CYP3A7: variants seen among roughly 807,000 people sequenced by gnomAD.
CYP3A7 encodes cytochrome P450 family 3 subfamily A member 7.
CYP3A7 carries 45 observed loss-of-function variants against 55.2 expected under a neutral mutation model. The observed-to-expected ratio is 0.82, with a 90% CI of 0.64 to 1.05. CYP3A7 has a LOEUF of 1.05. CYP3A7 is among the 50% of genes least tolerant of loss of function. The probability of loss-of-function intolerance (pLI) is 0.00; values close to 1 mark genes in which losing one functional copy is unlikely to be tolerated. For missense variants in CYP3A7, 548 were observed against 605.3 expected, an observed-to-expected ratio of 0.91 and a Z score of 0.99; for synonymous variants, 180 against 207.4, an observed-to-expected ratio of 0.87 and a Z score of 1.13.
rs117463723 is a variant in CYP3A7 at position 99,706,178 on chromosome 7, C to T, written c.1417-583G>A. 5.3e-4 allele frequency among the ~76,000 whole-genome samples: 80 copies of T among 152,326 alleles called. 1 individual carries two copies. The East Asian group carries it at 0.015, about 28-fold the overall frequency. On this transcript the variant is annotated intron_variant, in intron 12 of 12. Coordinates refer to ENST00000336374, the MANE Select transcript of CYP3A7 (RefSeq NM_000765.5). ...CAAGGGTAGTGCAAGTGGGGAACCT[C>T]TCAATTCCTACAGTGTTTTGACTCA...
chr7:99,733,321 T>C (rs1398078484), intron 1 of CYP3A7, among the ~76,000 whole-genome samples: 1 of 152,186 alleles, frequency 6.6e-6, no homozygotes, highest in Non-Finnish European at 1.5e-5. Context: ...GGTGAGTGTC[T>C]AGATTCACAT....
At chr7:99,710,032 G>A (rs1398274552) in intron 10 of CYP3A7, among the ~76,000 whole-genome samples, 1 of 152,102 alleles carries the variant, frequency 6.6e-6, no homozygotes, top group Non-Finnish European at 1.5e-5. Context: ...TGCTGAAACA[G>A]TCTCCTAGTT....
At chr7:99,716,073 T>C (rs1813935439) in intron 6 of CYP3A7, among the ~76,000 whole-genome samples, 167 bp from the exon 7 acceptor site, 1 of 152,194 alleles carries the variant, frequency 6.6e-6, no homozygotes, top group South Asian at 2.1e-4. Flanking sequence ...AAGGTGATTA[T>C]CAGGTGTCAG....
At chr7:99,716,057 C>T (rs1813934199) in intron 6 of CYP3A7, 151 bp from the exon 7 acceptor site, 2 of 1,481,004 alleles carry the variant, frequency 1.4e-6, no homozygotes, top group Admixed American at 3.7e-5. Flanking sequence ...CATCACACTC[C>T]CTCAGAAGGT....
chr7:99,715,626 A>T, intron 7 of CYP3A7, 132 bp downstream of exon 7: 1 of 1,480,080 alleles, frequency 6.8e-7, no homozygotes, highest in Non-Finnish European at 9.3e-7. Flanking sequence ...TGATGGTCGT[A>T]CATATCTTCA....
rs115529417 is a variant in CYP3A7 at position 99,715,309 on chromosome 7, A to G, written c.670+449T>C. 2.8e-3 allele frequency: 517 copies of G among 187,592 alleles called. 2 individuals carry two copies. The highest frequency in any genetic ancestry group is 0.012 in the African/African-American group (492 of 41,970). The allele number at this position is 187,592 out of a possible 1,614,324, so 11.6% of individuals were successfully genotyped here. A position where few individuals can be genotyped will look rare whatever the true frequency, so the allele number is the denominator to read the frequency against. The stretch of plus-strand genomic sequence containing the variant: ...TAGTTGTAATGTCTAAATTTAGAGG[A>G]AAAAAACCCACAAATCAATAATCTA... On this transcript the variant is annotated intron_variant, in intron 7 of 12. Coordinates refer to ENST00000336374, the MANE Select transcript of CYP3A7 (RefSeq NM_000765.5).
intron 2 of CYP3A7, among the ~76,000 whole-genome samples, chr7:99,724,282 A>G (rs1814323847): frequency 6.6e-6 from 1 of 152,216 alleles, no homozygotes; most frequent in Non-Finnish European, 1.5e-5. Flanking sequence ...CTTGGCCTCA[A>G]TACAAACTGG....
chr7:99,733,522 G>C (rs1317050934), intron 1 of CYP3A7, among the ~76,000 whole-genome samples: 4 of 152,194 alleles, frequency 2.6e-5, no homozygotes, highest in Non-Finnish European at 4.4e-5. Context: ...ATCCTGGGCT[G>C]TACCGGCATC....
At chr7:99,722,941 C>T (rs1374762564) in intron 2 of CYP3A7, among the ~76,000 whole-genome samples, 1 of 152,092 alleles carries the variant, frequency 6.6e-6, no homozygotes, top group Non-Finnish European at 1.5e-5. Flanking sequence ...AGTTTTCCAG[C>T]TTAACATGAA....
At chr7:99,720,268 T>G (rs780126436) in intron 4 of CYP3A7, 45 bp downstream of exon 4, 7 of 1,607,340 alleles carry the variant, frequency 4.4e-6, no homozygotes, top group Non-Finnish European at 5.9e-6. Flanking sequence ...AAATAAAAAT[T>G]TAATCAATCA....
Position 99,714,552 on chromosome 7 carries a change from T to TA in CYP3A7, c.798+2dup, listed in dbSNP as rs759246693. On this transcript the variant is annotated splice_region_variant and intron_variant, in intron 8 of 12. Coordinates refer to ENST00000336374, the MANE Select transcript of CYP3A7 (RefSeq NM_000765.5). ...TCCTCCTATAACTACCACCACGTTT[T>TA]ACCTTTTGTGTCTCTTTGAGGCGAC... The TA allele has an allele frequency of 1.4e-5, 23 of 1,612,694 alleles. No individual in the cohort carries two copies. The highest frequency in any genetic ancestry group is 1.8e-5 in the Non-Finnish European group (21 of 1,179,412).
intron 2 of CYP3A7, among the ~76,000 whole-genome samples, chr7:99,728,811 T>C (rs1814513374): frequency 6.6e-6 from 1 of 152,174 alleles, no homozygotes. Flanking sequence ...ATAGCAGGTA[T>C]TTCAACTTCT....
chr7:99,719,031 G>T (rs1405895469), intron 4 of CYP3A7, among the ~76,000 whole-genome samples: 1 of 152,196 alleles, frequency 6.6e-6, no homozygotes, highest in African/African-American at 2.4e-5. Context: ...GGCATACTAT[G>T]TTCATGAATT....
At chr7:99,731,741 T>G (rs1814633371) in intron 1 of CYP3A7, among the ~76,000 whole-genome samples, 1 of 152,114 alleles carries the variant, frequency 6.6e-6, no homozygotes, top group Non-Finnish European at 1.5e-5. Flanking sequence ...CACAGAGAGG[T>G]CTTGGAGGAG....
At chr7:99,710,708 C>T (rs1481815491) in intron 10 of CYP3A7, 24 bp downstream of exon 10, 2 of 1,613,598 alleles carry the variant, frequency 1.2e-6, no homozygotes, top group African/African-American at 2.7e-5. Context: ...CTCCTCCCTC[C>T]TTCTCCATGT....
At chr7:99,731,782 A>G (rs751375471) in intron 1 of CYP3A7, among the ~76,000 whole-genome samples, 2 of 152,078 alleles carry the variant, frequency 1.3e-5, no homozygotes, top group South Asian at 2.1e-4. Context: ...CAGATTGACA[A>G]CTGTGCTCCA....
At chr7:99,715,675 A>G (rs1302505047) in intron 7 of CYP3A7, 83 bp downstream of exon 7, 2 of 1,602,466 alleles carry the variant, frequency 1.2e-6, no homozygotes, top group Admixed American at 3.3e-5. Context: ...TTTTAAGTGG[A>G]TGAATTACAT....
intron 1 of CYP3A7, among the ~76,000 whole-genome samples, chr7:99,731,469 C>T (rs1250174318): frequency 4.6e-5 from 7 of 152,278 alleles, no homozygotes; most frequent in African/African-American, 1.4e-4. Context: ...TTCTTCCAGG[C>T]ACTTCATTCC....
intron 2 of CYP3A7, among the ~76,000 whole-genome samples, chr7:99,724,386 A>T (rs933027927): frequency 5.9e-5 from 9 of 152,184 alleles, no homozygotes; most frequent in Non-Finnish European, 1.0e-4. Context: ...AAATGGTCTG[A>T]GGTGCCTGAC....
Sources: gnomAD v4.1 joint callset for allele counts (sites outside exome capture counted in the v4.1 genomes callset) on GRCh38, gnomAD v4.1.1 for gene constraint, MANE v1.5 for transcripts, NCBI Gene and HGNC (gene_info 2026-07-23, HGNC 2026-07-21) for gene names.